PEAK1: variants seen among roughly 807,000 people sequenced by gnomAD.
PEAK1 encodes inactive tyrosine-protein kinase PEAK1.
Under a neutral mutation model 124.7 loss-of-function variants are expected in PEAK1, and 54 were observed. The ratio of observed to expected loss-of-function variants is 0.43; its 90% confidence interval spans 0.35 to 0.54. The LOEUF is 0.54. Ranked by LOEUF, PEAK1 falls within the 20% of genes least tolerant of loss-of-function variation. The pLI, the probability that PEAK1 is intolerant of heterozygous loss-of-function variation, is 0.01. For missense variants in PEAK1, 2,046 were observed against 2,134.5 expected (o/e 0.96, Z 0.82); for synonymous variants, 719 against 760.0 (o/e 0.95, Z 0.89).
At chr15:77,141,111 A>G (rs1383743216) in intron 8 of PEAK1, among the ~76,000 whole-genome samples, 1 of 152,194 alleles carries the variant, frequency 6.6e-6, no homozygotes, top group Non-Finnish European at 1.5e-5. Context: ...CTCATCATTC[A>G]CAGATAATAT....
intron 2 of PEAK1, among the ~76,000 whole-genome samples, chr15:77,307,530 C>G (rs1047690540): frequency 1.3e-5 from 2 of 152,036 alleles, no homozygotes. Context: ...TACTAACCAG[C>G]TTTTGCCTTC....
intron 2 of PEAK1, chr15:77,348,825 A>AC: frequency 1.9e-6 from 1 of 523,554 alleles, no homozygotes; most frequent in Non-Finnish European, 2.4e-6. Context: ...AGGTGGGGGT[A>AC]GAGTGGGGGT....
At chr15:77,202,908 G>A (rs1049586468) in intron 6 of PEAK1, among the ~76,000 whole-genome samples, 3 of 151,856 alleles carry the variant, frequency 2.0e-5, no homozygotes, top group South Asian at 2.1e-4. Context: ...GTGGCAGTGC[G>A]CACCTGTAGT....
chr15:77,156,129 T>G (rs538116819), intron 8 of PEAK1: 24 of 153,318 alleles, frequency 1.6e-4, no homozygotes, highest in African/African-American at 5.5e-4. Flanking sequence ...GCAGGCCCCC[T>G]TGAGCTGTGG....
At chr15:77,397,968 C>A (rs573997347) in intron 1 of PEAK1, among the ~76,000 whole-genome samples, 66 of 152,040 alleles carry the variant, frequency 4.3e-4, no homozygotes, top group Admixed American at 1.4e-3. Flanking sequence ...GGGAGGCTGA[C>A]GCAGGAGAAT....
chr15:77,352,491 G>C, intron 2 of PEAK1: 2 of 985,348 alleles, frequency 2.0e-6, no homozygotes, highest in Non-Finnish European at 2.4e-6. Context: ...GCTATGGAGA[G>C]AGCCTGGACA....
intron 1 of PEAK1, among the ~76,000 whole-genome samples, chr15:77,413,656 G>A (rs2072595409): frequency 6.6e-6 from 1 of 152,132 alleles, no homozygotes; most frequent in African/African-American, 2.4e-5. Flanking sequence ...TCAAGGTTTG[G>A]ATAACAGAAT....
intron 1 of PEAK1, among the ~76,000 whole-genome samples, chr15:77,385,956 G>A (rs548447189): frequency 6.6e-6 from 1 of 152,212 alleles, no homozygotes; most frequent in East Asian, 1.9e-4. Flanking sequence ...TTTTATATGT[G>A]ACCTTGGGCC....
chr15:77,167,912 G>A (rs1419394219), intron 7 of PEAK1, among the ~76,000 whole-genome samples: 2 of 150,976 alleles, frequency 1.3e-5, no homozygotes, highest in Non-Finnish European at 2.9e-5. Context: ...GACAGGCCCC[G>A]GTGTGTGAGG....
At chr15:77,272,113 G>C (rs986505304) in intron 5 of PEAK1, among the ~76,000 whole-genome samples, 5 of 152,062 alleles carry the variant, frequency 3.3e-5, no homozygotes, top group Admixed American at 2.6e-4. Flanking sequence ...GATAAGCAAA[G>C]GCAGTGCTAA....
At chr15:77,275,289 C>T (rs1326975516) in intron 5 of PEAK1, among the ~76,000 whole-genome samples, 1 of 152,132 alleles carries the variant, frequency 6.6e-6, no homozygotes, top group African/African-American at 2.4e-5. Context: ...AACCAAACAC[C>T]ACCTGTTCCC....
At chr15:77,381,370 G>A (rs1567331781) in intron 1 of PEAK1, 1 of 769,600 alleles carries the variant, frequency 1.3e-6, no homozygotes, top group Non-Finnish European at 1.6e-6. Flanking sequence ...CACTATGATG[G>A]TGCCTGTGAA....
chr15:77,226,826 A>AAC lies in PEAK1; in HGVS notation c.-115+25539_-115+25540dup, dbSNP rs529229337. Among the ~76,000 whole-genome samples the AAC allele has an allele frequency of 1.5e-3, 224 of 152,228 alleles. 1 individual carries two copies. The highest frequency in any genetic ancestry group is 5.2e-3 in the African/African-American group (218 of 41,564). The stretch of plus-strand genomic sequence containing the variant: ...TCCTTTAATCCCTCTACTTCCTTAT[A>AAC]ACGTATTACCACCCCTATTTTATAG... On this transcript the variant is annotated intron_variant, in intron 6 of 9. Transcript: ENST00000682557.
At chr15:77,266,709 G>C (rs999398592) in intron 5 of PEAK1, among the ~76,000 whole-genome samples, 1 of 152,160 alleles carries the variant, frequency 6.6e-6, no homozygotes, top group South Asian at 2.1e-4. Flanking sequence ...ATGGTAGATA[G>C]AAGGCAGGAC....
At chr15:77,271,196 G>A (rs2152954545) in intron 5 of PEAK1, among the ~76,000 whole-genome samples, 1 of 152,242 alleles carries the variant, frequency 6.6e-6, no homozygotes, top group East Asian at 1.9e-4. Flanking sequence ...ATCATCACTG[G>A]CCATCAGAGA....
Position 77,337,582 on chromosome 15 carries a change from T to A in PEAK1, c.-603+27581A>T, listed in dbSNP as rs16968789. 1,081 of 985,306 alleles carry A rather than the reference T, an allele frequency of 1.1e-3. 8 individuals are homozygous for A. The African/African-American group carries it at 0.017, about 15-fold the overall frequency. 61.0% of individuals were successfully genotyped at this position (985,306 alleles called of 1,614,324 possible). ...ATTCCACACCAACAGAATTTTTAAC[T>A]TTCACTTACCTCAGAGATATGCTAC... On this transcript the variant is annotated intron_variant, in intron 2 of 9. Coordinates refer to ENST00000682557, the MANE Select transcript of PEAK1 (RefSeq NM_001385026.1).
At chr15:77,371,081 A>G (rs1275850606) in intron 1 of PEAK1, 1 of 942,212 alleles carries the variant, frequency 1.1e-6, no homozygotes, top group East Asian at 1.2e-4. Flanking sequence ...CATCTACAAA[A>G]TCAAATATAA....
rs1453897982 is a variant in PEAK1, at chr15:77,178,799, T to C, written c.3128A>G (p.Lys1043Arg). Residue 1043 changes from lysine to arginine, a missense_variant, in exon 7 of 10, where the codon AAG becomes AGG. By Grantham distance (26) the Lys-to-Arg change is conservative (BLOSUM62 2). Coordinates refer to ENST00000682557, the MANE Select transcript of PEAK1 (RefSeq NM_001385026.1). ...AGTCTATTTTACATACCTGAGAATC[T>C]TTTTAGGAATCTGTGATGGAGAAGA... Reference protein sequence around the residue: ...SHSSPSQIPKKILSHMTHEVT... With the variant: ...SHSSPSQIPKRILSHMTHEVT... 6.2e-7 allele frequency: 1 copy of C among 1,612,400 alleles called. No homozygotes were observed. The highest frequency in any genetic ancestry group is 8.5e-7 in the Non-Finnish European group (1 of 1,179,134).
intron 8 of PEAK1, among the ~76,000 whole-genome samples, chr15:77,146,121 A>T (rs532748122): frequency 6.6e-6 from 1 of 152,290 alleles, no homozygotes; most frequent in South Asian, 2.1e-4. Flanking sequence ...AGAGTTTATA[A>T]ACCACACACC....
Sources: gnomAD v4.1 joint callset for allele counts (sites outside exome capture counted in the v4.1 genomes callset) on GRCh38, gnomAD v4.1.1 for gene constraint, MANE v1.5 for transcripts, NCBI Gene and HGNC (gene_info 2026-07-23, HGNC 2026-07-21) for gene names.